The following GRID2 variants were observed in gnomAD, a reference collection of about 807,000 sequenced individuals.
GRID2 encodes glutamate ionotropic receptor delta type subunit 2.
GRID2 carries 33 observed loss-of-function variants against 114.8 expected under a neutral mutation model. That is an observed-to-expected ratio of 0.29 (90% confidence interval 0.22 to 0.38). The LOEUF (loss-of-function observed/expected upper bound fraction) is 0.38. Ranked by LOEUF, GRID2 falls within the 10% of genes least tolerant of loss-of-function variation. The pLI is 1.00. For missense variants in GRID2, 1,184 were observed against 1,257.7 expected (o/e 0.94, Z 0.89); for synonymous variants, 505 against 449.9 (o/e 1.12, Z -1.55).
At chr4:92,723,131 T>G (rs1361218628) in intron 2 of GRID2, among the ~76,000 whole-genome samples, 1 of 152,074 alleles carries the variant, frequency 6.6e-6, no homozygotes, top group African/African-American at 2.4e-5. Flanking sequence ...TCTTCATTTA[T>G]TAAAACATGA....
intron 4 of GRID2, among the ~76,000 whole-genome samples, chr4:93,111,597 C>A (rs1732765487): frequency 6.6e-6 from 1 of 152,116 alleles, no homozygotes; most frequent in Admixed American, 6.6e-5. Context: ...AAAATGCCTG[C>A]TATTGCCTTG....
chr4:93,806,330 C>T (rs560915596), intron 1 of GRID2, among the ~76,000 whole-genome samples: 1 of 152,296 alleles, frequency 6.6e-6, no homozygotes, highest in South Asian at 2.1e-4. Context: ...TATATCGACA[C>T]CAACTTTGGT....
At chr4:92,664,980 G>A (rs145428816) in intron 2 of GRID2, among the ~76,000 whole-genome samples, 6 of 145,290 alleles carry the variant, frequency 4.1e-5, no homozygotes, top group Admixed American at 1.4e-4. Flanking sequence ...AGTCCACTCT[G>A]CCATTCTTTT....
chr4:92,846,004 C>G (rs1012517573), intron 2 of GRID2, among the ~76,000 whole-genome samples: 3 of 151,894 alleles, frequency 2.0e-5, no homozygotes, highest in Non-Finnish European at 4.4e-5. Context: ...GGTTTTTTAC[C>G]TCCATTTTTG....
intron 1 of GRID2, among the ~76,000 whole-genome samples, chr4:92,486,948 G>T (rs984866853): frequency 1.3e-5 from 2 of 151,532 alleles, no homozygotes; most frequent in African/African-American, 4.8e-5. Context: ...ATTAGATTTT[G>T]GTGTTCATTT....
chr4:92,393,060 G>A (rs1730324148), intron 1 of GRID2, among the ~76,000 whole-genome samples: 1 of 152,170 alleles, frequency 6.6e-6, no homozygotes, highest in Non-Finnish European at 1.5e-5. Flanking sequence ...ACTCATGGGG[G>A]AAGGTTAAGT....
intron 1 of GRID2, among the ~76,000 whole-genome samples, chr4:92,540,282 C>A (rs1410899927): frequency 6.6e-6 from 1 of 152,094 alleles, no homozygotes; most frequent in African/African-American, 2.4e-5. Flanking sequence ...CAACAAAAGC[C>A]AAAATTGACA....
chr4:92,469,763 T>A lies in GRID2; in HGVS notation c.89-120368T>A, dbSNP rs180749446. 2.1e-3 allele frequency among the ~76,000 whole-genome samples: 317 copies of A among 151,808 alleles called. 1 individual carries two copies. Among genetic ancestry groups the A allele is most frequent in the Non-Finnish European group, 3.5e-3 (240 of 67,858 alleles). ...CTTAGTTAGATTCAAGTTTCATAAT[T>A]TTTTTTTCTTAAAGGTATGATTAAG... On this transcript the variant is annotated intron_variant, in intron 1 of 15. Transcript: ENST00000282020.
chr4:93,190,367 C>T (rs994880465), intron 4 of GRID2, among the ~76,000 whole-genome samples: 2 of 152,090 alleles, frequency 1.3e-5, no homozygotes, highest in African/African-American at 4.8e-5. Flanking sequence ...TAATTCAGCT[C>T]TGCAGGAAAA....
At position 92,644,782 on chromosome 4, in the gene GRID2, C is replaced by T. The variant is rs192548703; in HGVS notation, c.244+54496C>T. On this transcript the variant is annotated intron_variant, in intron 2 of 15. Transcript: ENST00000282020. ...ATAAGAGTTGTATAGTTCAAATAAACTTTCTCAAATTTATTAGAAGACAAA... is the reference window on the plus strand; with the variant it reads ...ATAAGAGTTGTATAGTTCAAATAAATTTTCTCAAATTTATTAGAAGACAAA... 5.9e-5 allele frequency among the ~76,000 whole-genome samples: 9 copies of T among 151,552 alleles called. No homozygotes were observed. In the East Asian group the frequency reaches 1.6e-3, roughly 26 times the overall value.
chr4:92,985,362 T>C (rs574502920), intron 2 of GRID2, among the ~76,000 whole-genome samples: 22 of 151,660 alleles, frequency 1.5e-4, no homozygotes, highest in Non-Finnish European at 2.5e-4. Context: ...AGGACTGGCC[T>C]CAGCTGCGAC....
intron 13 of GRID2, among the ~76,000 whole-genome samples, chr4:93,614,161 T>G (rs542909471): frequency 2.0e-5 from 3 of 152,210 alleles, no homozygotes; most frequent in African/African-American, 7.2e-5. Context: ...TGCCTCGCCC[T>G]GCTTCAGCTC....
Position 93,572,497 on chromosome 4 carries a change from C to T in GRID2, c.2194-53772C>T, listed in dbSNP as rs1380540176. 2.6e-5 allele frequency among the ~76,000 whole-genome samples: 4 copies of T among 152,068 alleles called. No homozygotes were observed. In the South Asian group the frequency reaches 6.2e-4, roughly 24 times the overall value. ...TCATTATATTATAATTTTGTCCTCT[C>T]TTCTCCACTTTTTAAATGTTACATC... On this transcript the variant is annotated intron_variant, in intron 13 of 15. Transcript: ENST00000282020.
intron 1 of GRID2, among the ~76,000 whole-genome samples, chr4:92,316,360 T>A (rs1725980430): frequency 6.6e-6 from 1 of 152,184 alleles, no homozygotes; most frequent in Non-Finnish European, 1.5e-5. Context: ...TCCACAGATG[T>A]AAGAGGGACT....
At chr4:93,629,395 G>T (rs192982292) in intron 14 of GRID2, among the ~76,000 whole-genome samples, 1 of 152,094 alleles carries the variant, frequency 6.6e-6, no homozygotes, top group Non-Finnish European at 1.5e-5. Context: ...AGGACCTGGC[G>T]ATCATCAGTG....
intron 2 of GRID2, among the ~76,000 whole-genome samples, chr4:92,918,572 AT>A (rs1749020463): frequency 1.3e-5 from 2 of 152,108 alleles, no homozygotes; most frequent in South Asian, 4.1e-4. Context: ...GGGTTGTTGA[AT>A]TTTGTCAAAG....
At chr4:93,474,907 T>C (rs577467606) in intron 11 of GRID2, among the ~76,000 whole-genome samples, 1 of 152,316 alleles carries the variant, frequency 6.6e-6, no homozygotes, top group African/African-American at 2.4e-5. Flanking sequence ...TAGTAAATAC[T>C]TAACAAATAG....
chr4:92,677,389 A>G (rs576975882), intron 2 of GRID2, among the ~76,000 whole-genome samples: 3 of 152,348 alleles, frequency 2.0e-5, no homozygotes, highest in African/African-American at 4.8e-5. Context: ...CAGGAACCTT[A>G]TGAAAAGGAT....
intron 2 of GRID2, among the ~76,000 whole-genome samples, chr4:92,655,259 A>G (rs912764393): frequency 1.3e-5 from 2 of 151,510 alleles, no homozygotes; most frequent in Non-Finnish European, 3.0e-5. Flanking sequence ...CTTTATACCA[A>G]TATGTTCTGT....
Sources: gnomAD v4.1 joint callset for allele counts (sites outside exome capture counted in the v4.1 genomes callset) on GRCh38, gnomAD v4.1.1 for gene constraint, MANE v1.5 for transcripts, NCBI Gene and HGNC (gene_info 2026-07-23, HGNC 2026-07-21) for gene names.